The following MTMR7 variants were observed in gnomAD, a reference collection of about 807,000 sequenced individuals.
MTMR7 encodes the protein phosphatidylinositol-3-phosphate phosphatase MTMR7.
A neutral mutation model predicts 81.2 loss-of-function variants in MTMR7; 76 were observed. That is an observed-to-expected ratio of 0.94 (90% CI 0.78 to 1.13). The LOEUF is 1.13. Ranked by LOEUF, MTMR7 falls within the 50% of genes most tolerant of loss-of-function variation. The pLI, the probability that MTMR7 is intolerant of heterozygous loss-of-function variation, is 0.00. For synonymous variants in MTMR7, 372 were observed against 289.8 expected, an observed-to-expected ratio of 1.28 and a Z score of -2.88; for missense variants, 1,044 against 820.0, an observed-to-expected ratio of 1.27 and a Z score of -3.34.
chr8:17,385,015 G>A (rs971572957), intron 1 of MTMR7, among the ~76,000 whole-genome samples: 2 of 152,138 alleles, frequency 1.3e-5, no homozygotes, highest in African/African-American at 4.8e-5. Flanking sequence ...AAATGCTGGT[G>A]GGATGCACAC....
Position 17,349,079 on chromosome 8 carries a change from G to C in MTMR7, c.471C>G (p.Val157=), listed in dbSNP as rs2285291. Residue 157 remains valine, a splice_region_variant and synonymous_variant, in exon 5 of 14, where the codon GTC becomes GTG. Transcript: ENST00000180173. ...QLSDVNRDYR[V]CDSYPTELYV... The stretch of plus-strand genomic sequence containing the variant: ...ACAGTTCAGTAGGATAAGAGTCACA[G>C]ACCTGTCACCAGAAAATACAAAGAG... The C allele has an allele frequency of 1.2e-6, 2 of 1,610,844 alleles. No homozygotes were observed. Among genetic ancestry groups the C allele is most frequent in the East Asian group, 4.5e-5 (2 of 44,734 alleles).
chr8:17,329,530 C>T (rs945622807), intron 7 of MTMR7, among the ~76,000 whole-genome samples: 1 of 152,238 alleles, frequency 6.6e-6, no homozygotes, highest in East Asian at 1.9e-4. Flanking sequence ...CCAAAGATTA[C>T]CCATTTAAAA....
rs1585126837 is a variant in MTMR7, at chr8:17,404,793, G to A, written c.24+8476C>T. Among the ~76,000 whole-genome samples the A allele has an allele frequency of 2.6e-5, 4 of 152,102 alleles. 1 individual carries two copies. In the Middle Eastern group the frequency reaches 0.014, roughly 517 times the overall value. The stretch of plus-strand genomic sequence containing the variant: ...ACATTGATGTTTATCAGGTTTTTTT[G>A]TTGGTGGTTGGTTTTGTTTTGTTGT... On this transcript the variant is annotated intron_variant, in intron 1 of 13. Transcript: ENST00000180173.
chr8:17,349,011 G>T lies in MTMR7; in HGVS notation c.539C>A (p.Ser180Tyr). The T allele has an allele frequency of 6.2e-7, 1 of 1,613,134 alleles. No individual in the cohort carries two copies. The highest frequency in any genetic ancestry group is 8.5e-7 in the Non-Finnish European group (1 of 1,179,890). Residue 180 changes from serine to tyrosine, a missense_variant, in exon 5 of 14, where the codon TCC becomes TAC. Transcript: ENST00000180173. ...SATAHIIVGSSKFRSRRRFPV... is the reference protein window; with the variant it reads ...SATAHIIVGSYKFRSRRRFPV... ...AAATCGCCGTCTACTCCGGAATTTG[G>T]AACTCCCCACTATGATGTGTGCCGT...
At chr8:17,360,218 T>TTG (rs1464847940) in intron 4 of MTMR7, among the ~76,000 whole-genome samples, 1 of 152,192 alleles carries the variant, frequency 6.6e-6, no homozygotes, top group African/African-American at 2.4e-5. Context: ...TTAAATAGGT[T>TTG]TGTGTGTGCA....
chr8:17,302,882 A>AT (rs35734209), intron 12 of MTMR7, among the ~76,000 whole-genome samples: 32 of 150,914 alleles, frequency 2.1e-4, no homozygotes, highest in African/African-American at 5.8e-4. Context: ...CTAATTTTAT[A>AT]TTTTTTTTAG....
In MTMR7 at chr8:17,300,013, T is replaced by C. The variant is rs548143612; in HGVS notation, c.1832A>G (p.Lys611Arg). Residue 611 changes from lysine (K) to arginine (R), a missense_variant, in exon 14 of 14, where the codon AAA (lysine) becomes AGA (arginine). Coordinates refer to ENST00000180173, the MANE Select transcript of MTMR7 (RefSeq NM_004686.5). ...SALILTQDNLKSSDPDLSANS... is the reference protein window; with the variant it reads ...SALILTQDNLRSSDPDLSANS... ...GGCTGACAGATCTGGATCTGAACTT[T>C]TCAGATTGTCTTGGGTTAGAATCAG... 1.9e-6 allele frequency: 3 copies of C among 1,614,140 alleles called. No individual in the cohort carries two copies. Among genetic ancestry groups the C allele is most frequent in the South Asian group, 2.2e-5 (2 of 91,082 alleles).
chr8:17,347,386 T>A (rs950557118), intron 5 of MTMR7, among the ~76,000 whole-genome samples: 5 of 152,074 alleles, frequency 3.3e-5, no homozygotes, highest in African/African-American at 1.2e-4. Flanking sequence ...CAAATTAATA[T>A]TTTCCTTCAA....
chr8:17,335,941 T>C (rs1819223343), intron 6 of MTMR7, among the ~76,000 whole-genome samples: 1 of 152,138 alleles, frequency 6.6e-6, no homozygotes. Context: ...CCACCCTCCC[T>C]CTCCTCTTTA....
intron 1 of MTMR7, among the ~76,000 whole-genome samples, chr8:17,404,381 T>C (rs1247933921): frequency 3.3e-5 from 5 of 152,150 alleles, no homozygotes; most frequent in Admixed American, 1.3e-4. Flanking sequence ...AGGGAATTAG[T>C]TCAGTTTGGG....
intron 7 of MTMR7, among the ~76,000 whole-genome samples, chr8:17,317,962 A>T (rs1818183518): frequency 6.6e-6 from 1 of 151,902 alleles, no homozygotes; most frequent in Non-Finnish European, 1.5e-5. Context: ...GGAGGTGGGT[A>T]AGTTATTATA....
At chr8:17,394,336 T>C (rs568805949) in intron 1 of MTMR7, among the ~76,000 whole-genome samples, 2 of 152,336 alleles carry the variant, frequency 1.3e-5, no homozygotes, top group African/African-American at 4.8e-5. Context: ...GTGGGGTATA[T>C]CCATGCAATG....
chr8:17,401,411 A>G (rs1223444544), intron 1 of MTMR7, among the ~76,000 whole-genome samples: 1 of 152,014 alleles, frequency 6.6e-6, no homozygotes, highest in East Asian at 1.9e-4. Context: ...AAGAACAGGG[A>G]GTGGGGTAGT....
intron 4 of MTMR7, among the ~76,000 whole-genome samples, chr8:17,358,074 A>G (rs1651817002): frequency 6.6e-6 from 1 of 151,970 alleles, no homozygotes; most frequent in African/African-American, 2.4e-5. Flanking sequence ...CATAATTGAC[A>G]AAACATACAA....
At chr8:17,327,875 T>C (rs2150523583) in intron 7 of MTMR7, among the ~76,000 whole-genome samples, 1 of 152,330 alleles carries the variant, frequency 6.6e-6, no homozygotes, top group South Asian at 2.1e-4. Context: ...TGTTTACTCT[T>C]TTAAAAAATT....
chr8:17,333,915 AAGAG>A (rs1368542980), intron 6 of MTMR7, among the ~76,000 whole-genome samples: 1 of 152,248 alleles, frequency 6.6e-6, no homozygotes, highest in African/African-American at 2.4e-5. Context: ...TACAAAAAAA[AAGAG>A]AGACAGACTA....
intron 11 of MTMR7, 117 bp downstream of exon 11, chr8:17,305,640 A>C: frequency 1.3e-6 from 1 of 772,184 alleles, no homozygotes; most frequent in Non-Finnish European, 2.0e-6. Flanking sequence ...CTAATCTGTC[A>C]GTATAGGTAT....
chr8:17,341,145 CA>C (rs1198950305), intron 6 of MTMR7, among the ~76,000 whole-genome samples: 2 of 152,176 alleles, frequency 1.3e-5, no homozygotes, highest in Non-Finnish European at 2.9e-5. Flanking sequence ...ATGCTAGGGG[CA>C]GGGGAAATAT....
chr8:17,385,267 G>A (rs187917733), intron 1 of MTMR7, among the ~76,000 whole-genome samples: 27 of 151,990 alleles, frequency 1.8e-4, no homozygotes, highest in Non-Finnish European at 3.1e-4. Context: ...TGAATGGCTC[G>A]GCACCATCCC....
Sources: allele counts gnomAD v4.1 joint callset (sites outside exome capture counted in the v4.1 genomes callset), GRCh38; gene constraint gnomAD v4.1.1; transcripts MANE v1.5; gene names NCBI Gene and HGNC (gene_info 2026-07-23, HGNC 2026-07-21).